APBA2: variants seen among roughly 807,000 people sequenced by gnomAD.
The protein encoded by APBA2 is amyloid-beta A4 precursor protein-binding family A member 2.
In APBA2, 30 loss-of-function variants were observed where a neutral mutation model predicts 75.0. The observed-to-expected ratio is 0.40, with a 90% CI of 0.30 to 0.54. APBA2 has a LOEUF of 0.54. APBA2 is among the 20% of genes least tolerant of loss of function. The probability of loss-of-function intolerance (pLI) is 0.49; values close to 1 mark genes in which losing one functional copy is unlikely to be tolerated. For missense variants in APBA2, 801 were observed against 1,016.1 expected (o/e 0.79, Z 2.88); for synonymous variants, 444 against 409.6 (o/e 1.08, Z -1.01).
intron 1 of APBA2, among the ~76,000 whole-genome samples, chr15:28,898,018 G>A (rs1189261436): frequency 6.6e-6 from 1 of 152,178 alleles, no homozygotes; most frequent in African/African-American, 2.4e-5. Context: ...ATGTGACCAA[G>A]GAGGCGGAAA....
rs563730627 is a variant in APBA2, at chr15:29,031,552, C to T, written c.-40-22293C>T. On this transcript the variant is annotated intron_variant, in intron 3 of 14. Coordinates refer to ENST00000683413, the MANE Select transcript of APBA2 (RefSeq NM_001353788.2). Reference sequence around the variant, plus strand: ...TGGCGCAATCTTGGCCCACTGCAACCTCTGCCTCCCCGGTTCAAGTGATTC... The same window carrying T: ...TGGCGCAATCTTGGCCCACTGCAACTTCTGCCTCCCCGGTTCAAGTGATTC... 2.6e-4 allele frequency among the ~76,000 whole-genome samples: 39 copies of T among 152,246 alleles called. No homozygotes were observed. In the East Asian group the frequency reaches 7.6e-3, roughly 29 times the overall value.
intron 7 of APBA2, 119 bp downstream of exon 7, chr15:29,093,339 G>A: frequency 6.9e-7 from 1 of 1,446,014 alleles, no homozygotes; most frequent in Non-Finnish European, 9.4e-7. Context: ...CTCAGCACAG[G>A]GGGCAGGAGC....
intron 2 of APBA2, among the ~76,000 whole-genome samples, chr15:28,966,145 G>T (rs532905712): frequency 6.6e-6 from 1 of 152,108 alleles, no homozygotes; most frequent in South Asian, 2.1e-4. Context: ...TATGTTCCAT[G>T]GACAATTGAA....
chr15:29,022,837 A>G (rs1452623467), intron 3 of APBA2, among the ~76,000 whole-genome samples: 1 of 152,174 alleles, frequency 6.6e-6, no homozygotes, highest in Non-Finnish European at 1.5e-5. Flanking sequence ...AATATTTACT[A>G]TATTAAAATG....
intron 3 of APBA2, among the ~76,000 whole-genome samples, chr15:29,018,256 T>C (rs540185961): frequency 6.6e-6 from 1 of 152,292 alleles, no homozygotes; most frequent in East Asian, 1.9e-4. Context: ...CTGAGCGTTG[T>C]ATAGTCTTGG....
intron 6 of APBA2, among the ~76,000 whole-genome samples, chr15:29,082,304 A>G (rs1290772557): frequency 1.3e-5 from 2 of 152,232 alleles, no homozygotes; most frequent in Non-Finnish European, 2.9e-5. Flanking sequence ...ATAAGTTTAC[A>G]TGGTGAAATG....
intron 3 of APBA2, among the ~76,000 whole-genome samples, chr15:29,019,765 A>T (rs1407614173): frequency 6.6e-6 from 1 of 152,212 alleles, no homozygotes; most frequent in African/African-American, 2.4e-5. Context: ...CTACTGATGA[A>T]CATTTAGGTT....
chr15:28,890,623 G>A (rs906145686), intron 1 of APBA2, among the ~76,000 whole-genome samples: 1 of 152,112 alleles, frequency 6.6e-6, no homozygotes, highest in African/African-American at 2.4e-5. Flanking sequence ...TTGGAAAAGA[G>A]GATGGGATTT....
At chr15:28,963,382 C>T (rs1046512829) in intron 2 of APBA2, among the ~76,000 whole-genome samples, 1 of 152,174 alleles carries the variant, frequency 6.6e-6, no homozygotes, top group African/African-American at 2.4e-5. Context: ...TTCCCTGTGC[C>T]CAGCACATTG....
chr15:29,055,713 A>T (rs1328258260), intron 4 of APBA2, among the ~76,000 whole-genome samples: 1 of 127,506 alleles, frequency 7.8e-6, no homozygotes, highest in African/African-American at 3.1e-5. Context: ...GTGTGTGTGT[A>T]CTGAGAGCTT....
Position 29,053,830 on chromosome 15 carries a change from T to C in APBA2, c.-40-15T>C. 6.6e-7 allele frequency: 1 copy of C among 1,512,898 alleles called. No individual in the cohort carries two copies. Among genetic ancestry groups the C allele is most frequent in the Non-Finnish European group, 9.0e-7 (1 of 1,109,174 alleles). The allele number at this position is 1,512,898 out of a possible 1,614,324, so 93.7% of individuals were successfully genotyped here. A position where few individuals can be genotyped will look rare whatever the true frequency, so the allele number is the denominator to read the frequency against. On this transcript the variant is annotated splice_polypyrimidine_tract_variant and intron_variant, in intron 3 of 14. Coordinates refer to ENST00000683413, the MANE Select transcript of APBA2 (RefSeq NM_001353788.2). ...GGGGTTTTGACTCTGTCCTTCCCAA[T>C]GTTCCTCCCCACAGTGGCTGCCTCC... is the stretch of plus-strand genomic sequence containing the variant.
intron 1 of APBA2, among the ~76,000 whole-genome samples, chr15:28,901,687 A>G (rs1054627664): frequency 6.6e-6 from 1 of 151,870 alleles, no homozygotes; most frequent in Non-Finnish European, 1.5e-5. Context: ...CACACCCCTG[A>G]CTGTTTTTGC....
intron 2 of APBA2, among the ~76,000 whole-genome samples, chr15:28,950,606 G>A (rs2035810053): frequency 6.8e-6 from 1 of 147,270 alleles, no homozygotes; most frequent in Non-Finnish European, 1.5e-5. Flanking sequence ...CACCCTAGGC[G>A]ACAGAGTGAG....
chr15:29,050,580 G>A (rs1389181419), intron 3 of APBA2, among the ~76,000 whole-genome samples: 1 of 152,144 alleles, frequency 6.6e-6, no homozygotes, highest in Non-Finnish European at 1.5e-5. Flanking sequence ...TGGTTCTATT[G>A]TAGTTCTCCT....
At chr15:28,913,856 C>T (rs1457845785) in intron 1 of APBA2, among the ~76,000 whole-genome samples, 1 of 152,210 alleles carries the variant, frequency 6.6e-6, no homozygotes, top group Non-Finnish European at 1.5e-5. Context: ...AGTCCTTGCT[C>T]TGGTCTGACA....
intron 3 of APBA2, among the ~76,000 whole-genome samples, chr15:29,031,666 T>G (rs967899600): frequency 6.6e-5 from 10 of 152,142 alleles, no homozygotes; most frequent in African/African-American, 2.2e-4. Flanking sequence ...ATGTTACAGA[T>G]TGCTGATTGG....
chr15:29,003,015 G>C (rs1566894982), intron 3 of APBA2, among the ~76,000 whole-genome samples: 6 of 152,154 alleles, frequency 3.9e-5, no homozygotes, highest in Admixed American at 2.6e-4. Flanking sequence ...CAGCGTGGCT[G>C]GTCTGGGAAT....
Position 29,054,495 on chromosome 15 carries a change from A to G in APBA2, c.611A>G (p.Asn204Ser). Residue 204 changes from asparagine (N) to serine (S), a missense_variant, in exon 4 of 15, where the codon AAC (asparagine) becomes AGC (serine). Asn to Ser is a conservative substitution (Grantham distance 46). Around this residue, in one of 2 missense-constraint regions of APBA2, gnomAD observed 434 missense variants for 471.6 expected, o/e 0.92. Coordinates refer to ENST00000683413, the MANE Select transcript of APBA2 (RefSeq NM_001353788.2). The surrounding 1 kb of genome is among the most constrained non-coding windows in gnomAD (Gnocchi z 6.1). ...TACTACCCCGAGGAGGCCAACGGGA[A>G]CACCGGCGCCTCCCCCTACCGCCTG... Reference protein sequence around the residue: ...QDYYPEEANGNTGASPYRLRR... With the variant: ...QDYYPEEANGSTGASPYRLRR... 1 of 1,613,826 alleles carries G rather than the reference A, an allele frequency of 6.2e-7. No individual in the cohort carries two copies. The highest frequency in any genetic ancestry group is 8.5e-7 in the Non-Finnish European group (1 of 1,179,898).
chr15:29,054,470 T>C lies in APBA2; in HGVS notation c.586T>C (p.Tyr196His), dbSNP rs1313789694. 6.8e-6 allele frequency: 11 copies of C among 1,613,940 alleles called. No individual in the cohort carries two copies. The highest frequency in any genetic ancestry group is 9.3e-6 in the Non-Finnish European group (11 of 1,180,002). Residue 196 changes from tyrosine to histidine, a missense_variant, in exon 4 of 15, where the codon TAC (tyrosine) becomes CAC (histidine). Tyr to His is a moderately conservative substitution (Grantham distance 83). Coordinates refer to ENST00000683413, the MANE Select transcript of APBA2 (RefSeq NM_001353788.2). The surrounding 1 kb of genome is among the most constrained non-coding windows in gnomAD (Gnocchi z 6.1). ...YCASKEGYQD[Y>H]YPEEANGNTG... is the part of the protein sequence containing the mutation. ...TGCCAGCAAAGAGGGCTACCAGGAC[T>C]ACTACCCCGAGGAGGCCAACGGGAA...
Sources: gnomAD v4.1 joint callset for allele counts (sites outside exome capture counted in the v4.1 genomes callset) on GRCh38, gnomAD v4.1.1 for gene constraint, gnomAD v4.1.1 regional missense constraint, Gnocchi (gnomAD v3.1) non-coding constraint, MANE v1.5 for transcripts, NCBI Gene and HGNC (gene_info 2026-07-23, HGNC 2026-07-21) for gene names.